The following P4HTM variants were observed in gnomAD, a reference collection of about 807,000 sequenced individuals.
The protein encoded by P4HTM is prolyl 4-hydroxylase, transmembrane, also known as transmembrane prolyl 4-hydroxylase.
A neutral mutation model predicts 55.3 loss-of-function variants in P4HTM; 33 were observed. The observed-to-expected ratio is 0.60, with a 90% CI of 0.45 to 0.80. The LOEUF is 0.80. Among genes scored for constraint, P4HTM ranks in the 30% least tolerant of loss-of-function variants. The pLI is 0.00. For missense variants in P4HTM, 542 were observed against 696.5 expected (o/e 0.78, Z 2.50); for synonymous variants, 272 against 286.4 (o/e 0.95, Z 0.51).
intron 2 of P4HTM, among the ~76,000 whole-genome samples, chr3:49,000,113 T>C (rs2092956971): frequency 6.6e-6 from 1 of 152,222 alleles, no homozygotes; most frequent in African/African-American, 2.4e-5. Context: ...TTGGGTTTCC[T>C]CTTAGATAGG....
In P4HTM at chr3:49,005,017, C is replaced by G; in HGVS notation, c.1044C>G (p.Asn348Lys). ...GCTCCCATACCAAGCTGGTAGCCAACGAGTCTGTACCCTTCGAGACCTCCT... is the reference window on the plus strand; with the variant it reads ...GCTCCCATACCAAGCTGGTAGCCAAGGAGTCTGTACCCTTCGAGACCTCCT... ...TICSHTKLVANESVPFETSCR... is the reference protein window; with the variant it reads ...TICSHTKLVAKESVPFETSCR... The change falls in exon 6 of 9, where the codon AAC becomes AAG. Residue 348 changes from asparagine to lysine, a missense_variant. Asn to Lys is a moderately conservative substitution (Grantham distance 94). Transcript: ENST00000383729. The G allele has an allele frequency of 6.2e-7, 1 of 1,614,086 alleles. No individual in the cohort carries two copies. Among genetic ancestry groups the G allele is most frequent in the South Asian group, 1.1e-5 (1 of 91,090 alleles).
intron 2 of P4HTM, among the ~76,000 whole-genome samples, chr3:48,995,303 C>A (rs759326894): frequency 2.0e-5 from 3 of 152,152 alleles, no homozygotes; most frequent in Non-Finnish European, 4.4e-5. Context: ...AAGGCTTAGA[C>A]CTGGCTCTTC....
In P4HTM at chr3:48,999,721, A is replaced by G. The variant is rs1322171392; in HGVS notation, c.437-1717A>G. 2 of 154,712 alleles carry G rather than the reference A, an allele frequency of 1.3e-5. No individual in the cohort carries two copies. The highest frequency in any genetic ancestry group is 6.5e-5 in the Admixed American group (1 of 15,282). The allele number at this position is 154,712 out of a possible 1,614,324, so 9.6% of individuals were successfully genotyped here. On this transcript the variant is annotated intron_variant, in intron 2 of 8. Coordinates refer to ENST00000383729, the MANE Select transcript of P4HTM (RefSeq NM_177939.3). This position sits in a 1 kb window ranked among gnomAD's most constrained non-coding sequence, Gnocchi z 4.8. The stretch of plus-strand genomic sequence containing the variant: ...ATTAGCACACAGCAGGGGACTGTAG[A>G]GGCTGGAGGCACCTCCACTGGGCTT...
intron 4 of P4HTM, chr3:49,003,065 G>A: frequency 3.3e-6 from 1 of 307,606 alleles, no homozygotes; most frequent in Non-Finnish European, 6.4e-6. Context: ...CTGGAGTCAT[G>A]CCGAAGCGCC....
In P4HTM at chr3:49,006,087, C is replaced by T; in HGVS notation, c.1188C>T (p.Asp396=). Reference sequence around the variant, plus strand: ...AGAGTCTGATTCAGGATGACGTGGACCTCCGTGACACACGGAGGCACTGTG... The same window carrying T: ...AGAGTCTGATTCAGGATGACGTGGATCTCCGTGACACACGGAGGCACTGTG... The part of the protein sequence containing the change: ...DEMSLIQDDV[D]LRDTRRHCDK... Residue 396 remains aspartate, a synonymous_variant, in exon 8 of 9, where the codon GAC becomes GAT. Transcript: ENST00000383729. The T allele has an allele frequency of 6.2e-7, 1 of 1,612,874 alleles. No individual in the cohort carries two copies.
rs939129770 is a variant in P4HTM at position 48,999,387 on chromosome 3, G to C, written c.437-2051G>C. The C allele has an allele frequency of 6.2e-6, 1 of 161,630 alleles. No individual in the cohort carries two copies. The highest frequency in any genetic ancestry group is 2.4e-5 in the African/African-American group (1 of 41,464). 10.0% of individuals were successfully genotyped at this position (161,630 alleles called of 1,614,324 possible). A position where few individuals can be genotyped will look rare whatever the true frequency, so the allele number is the denominator to read the frequency against. ...ATGTGGTCCAGCAAGTTGGGCAGAC[G>C]CATCTGTGTAGCCAATGTCGTGGCA... On this transcript the variant is annotated intron_variant, in intron 2 of 8. Coordinates refer to ENST00000383729, the MANE Select transcript of P4HTM (RefSeq NM_177939.3). The surrounding 1 kb of genome is among the most constrained non-coding windows in gnomAD (Gnocchi z 4.8).
Position 49,004,934 on chromosome 3 carries a change from G to T in P4HTM, c.961G>T (p.Glu321Ter). Residue 321 changes from glutamate (E) to a stop codon, truncating the protein, a stop_gained, in exon 6 of 9, where the codon GAG becomes TAG. Coordinates refer to ENST00000383729, the MANE Select transcript of P4HTM (RefSeq NM_177939.3). LOFTEE classifies it high-confidence loss of function. ...GCCGCTGCAGGTTGTTCGATATGGT[G>T]AGGGGGGCCACTACCATGCCCACGT... Reference protein sequence around the residue: ...SEPLQVVRYGEGGHYHAHVDS... With the variant: ...SEPLQVVRYG The T allele has an allele frequency of 6.2e-7, 1 of 1,613,898 alleles. No homozygotes were observed. The highest frequency in any genetic ancestry group is 8.5e-7 in the Non-Finnish European group (1 of 1,179,990).
At chr3:49,001,341 G>A (rs1164577263) in intron 2 of P4HTM, 97 bp from the exon 3 acceptor site, 1 of 1,089,480 alleles carries the variant, frequency 9.2e-7, no homozygotes, top group African/African-American at 1.5e-5. Flanking sequence ...GCCACTGAGG[G>A]ACATGCAGTA....
In P4HTM at chr3:48,990,913, C is replaced by T. The variant is rs1470684380; in HGVS notation, c.435C>T (p.Phe145=). ...IRTLSLKPLL[F]EIPGFLTDEE... is the part of the protein sequence containing the mutation. ...CCCTCAGCCTCAAGCCGCTGCTCTT[C>T]GGTAAGTCCGCCAGATACTCCTGGG... The change falls in exon 2 of 9, where the codon TTC becomes TTT. Residue 145 remains phenylalanine, a splice_region_variant and synonymous_variant. Coordinates refer to ENST00000383729, the MANE Select transcript of P4HTM (RefSeq NM_177939.3). This position sits in a 1 kb window ranked among gnomAD's most constrained non-coding sequence, Gnocchi z 7.2. The T allele has an allele frequency of 2.5e-6, 4 of 1,612,836 alleles. No individual in the cohort carries two copies. Among genetic ancestry groups the T allele is most frequent in the Non-Finnish European group, 3.4e-6 (4 of 1,179,170 alleles).
At chr3:49,005,608 G>T in intron 6 of P4HTM, 169 bp from the exon 7 acceptor site, 1 of 1,415,132 alleles carries the variant, frequency 7.1e-7, no homozygotes. Context: ...ACTGGGTTTC[G>T]GGGAAGGAGG....
At position 49,002,818 on chromosome 3, in the gene P4HTM, C is replaced by G. The variant is rs1398356174; in HGVS notation, c.724+222C>G. Reference sequence around the variant, plus strand: ...TTCCCCTTGGTGATGGTCTCGAGGGCAGTTCTTGGAGACCCTTTTGATAAC... The same window carrying G: ...TTCCCCTTGGTGATGGTCTCGAGGGGAGTTCTTGGAGACCCTTTTGATAAC... On this transcript the variant is annotated intron_variant, in intron 4 of 8. Transcript: ENST00000383729. The surrounding 1 kb of genome is among the most constrained non-coding windows in gnomAD (Gnocchi z 4.4). The G allele has an allele frequency of 9.4e-6, 6 of 635,712 alleles. No individual in the cohort carries two copies. In the South Asian group the frequency reaches 1.0e-4, roughly 11 times the overall value. 39.4% of individuals were successfully genotyped at this position (635,712 alleles called of 1,614,324 possible).
At chr3:48,996,841 C>T (rs1359636738) in intron 2 of P4HTM, among the ~76,000 whole-genome samples, 2 of 152,146 alleles carry the variant, frequency 1.3e-5, no homozygotes, top group African/African-American at 4.8e-5. Flanking sequence ...AGGCTATGTG[C>T]CTGCCCGGAG....
At chr3:49,006,256 G>T in intron 8 of P4HTM, 69 bp downstream of exon 8, 1 of 1,532,512 alleles carries the variant, frequency 6.5e-7, no homozygotes, top group Non-Finnish European at 8.9e-7. Flanking sequence ...GCCCCCGTCT[G>T]CCACAATGGA....
rs773842581 is a variant in P4HTM at position 49,006,881 on chromosome 3, TACC to T, written c.1484_1486del (p.Tyr495_Arg496delinsCys). On this transcript the variant is annotated inframe_deletion, in exon 9 of 9. Transcript: ENST00000383729. ...GCCCGAGTGGGCTCTGGACCGGGCCTACCGCGATGCGCGCGTGGAACTCTGAGG... is the reference window on the plus strand; with the variant it reads ...GCCCGAGTGGGCTCTGGACCGGGCCTGCGATGCGCGCGTGGAACTCTGAGG... 1.9e-6 allele frequency: 3 copies of T among 1,612,494 alleles called. No individual in the cohort carries two copies. Among genetic ancestry groups the T allele is most frequent in the Non-Finnish European group, 1.7e-6 (2 of 1,179,626 alleles).
chr3:49,003,191 A>C (rs557264398), intron 4 of P4HTM: 1 of 209,288 alleles, frequency 4.8e-6, no homozygotes, highest in African/African-American at 2.3e-5. Context: ...AGGTGTGGTC[A>C]TCACCCTCAT....
chr3:48,997,889 G>T (rs924284654), intron 2 of P4HTM: 14 of 152,254 alleles, frequency 9.2e-5, no homozygotes, highest in African/African-American at 3.4e-4. Context: ...CTGGTGCAGA[G>T]AGTGTCCAGA....
chr3:49,001,564 T>G lies in P4HTM; in HGVS notation c.563T>G (p.Val188Gly), dbSNP rs1351021480. Residue 188 changes from valine to glycine, a missense_variant, in exon 3 of 9, where the codon GTC becomes GGC. Physicochemically the swap from Val to Gly is moderately radical, Grantham distance 109. Coordinates refer to ENST00000383729, the MANE Select transcript of P4HTM (RefSeq NM_177939.3). ...EYEEAMSTMQ[V>G]SQLDLFRLLD... ...GAAGAGGCAATGAGCACTATGCAGG[T>G]CAGCCAGCTGGACCTCTTCCGGCTG... 1 of 1,613,688 alleles carries G rather than the reference T, an allele frequency of 6.2e-7. No individual in the cohort carries two copies. Among genetic ancestry groups the G allele is most frequent in the Non-Finnish European group, 8.5e-7 (1 of 1,180,000 alleles).
chr3:49,007,057 T>C lies in P4HTM; in HGVS notation c.*150T>C, dbSNP rs2092986191. ...CGATACGGCGCAGTTCCTATATTCA[T>C]GTTATTTATTGTGTACTGACTCCAT... On this transcript the variant is annotated 3_prime_UTR_variant, in exon 9 of 9. Transcript: ENST00000383729. This position sits in a 1 kb window ranked among gnomAD's most constrained non-coding sequence, Gnocchi z 5.1. The C allele has an allele frequency of 1.4e-6, 1 of 702,038 alleles. No homozygotes were observed. Among genetic ancestry groups the C allele is most frequent in the Non-Finnish European group, 2.4e-6 (1 of 423,574 alleles). 43.5% of individuals were successfully genotyped at this position (702,038 alleles called of 1,614,324 possible). A position where few individuals can be genotyped will look rare whatever the true frequency, so the allele number is the denominator to read the frequency against.
chr3:48,991,823 G>A (rs1006964914), intron 2 of P4HTM: 2 of 152,206 alleles, frequency 1.3e-5, no homozygotes, highest in African/African-American at 4.8e-5. Context: ...CCAGCCCTGG[G>A]TACCTGGCCT....
Sources: gnomAD v4.1 joint callset for allele counts (sites outside exome capture counted in the v4.1 genomes callset) on GRCh38, gnomAD v4.1.1 for gene constraint, Gnocchi (gnomAD v3.1) non-coding constraint, MANE v1.5 for transcripts, NCBI Gene and HGNC (gene_info 2026-07-23, HGNC 2026-07-21) for gene names.